The following EVC2 variants were observed in gnomAD, a reference collection of about 807,000 sequenced individuals.
EVC2 encodes EvC ciliary complex subunit 2, also known as limbin.
A neutral mutation model predicts 149.3 loss-of-function variants in EVC2; 148 were observed. The ratio of observed to expected loss-of-function variants is 0.99; its 90% CI spans 0.87 to 1.14. EVC2 has a LOEUF of 1.14. Among genes scored for constraint, EVC2 ranks in the 50% most tolerant of loss-of-function variants. The pLI, the probability that EVC2 is intolerant of heterozygous loss-of-function variation, is 0.00. For synonymous variants in EVC2, 776 were observed against 649.9 expected (o/e 1.19, Z -2.95); for missense variants, 1,854 against 1,627.3 (o/e 1.14, Z -2.40).
chr4:5,680,518 G>A (rs1273854274), intron 7 of EVC2, among the ~76,000 whole-genome samples: 4 of 152,266 alleles, frequency 2.6e-5, no homozygotes, highest in South Asian at 4.1e-4. Flanking sequence ...TATGTGGCGC[G>A]TGACTGTATA....
chr4:5,632,323 G>A (rs897759128), intron 10 of EVC2, among the ~76,000 whole-genome samples: 3 of 152,196 alleles, frequency 2.0e-5, no homozygotes, highest in South Asian at 2.1e-4. Flanking sequence ...GTACATGTGC[G>A]CACACAGCAT....
chr4:5,543,903 A>G (rs975632253), intron 21 of EVC2, among the ~76,000 whole-genome samples: 5 of 152,208 alleles, frequency 3.3e-5, no homozygotes, highest in African/African-American at 1.2e-4. Flanking sequence ...CTCAGGCCTC[A>G]GGTCTCAGCT....
At chr4:5,610,739 T>C (rs1416235282) in intron 16 of EVC2, among the ~76,000 whole-genome samples, 1 of 151,958 alleles carries the variant, frequency 6.6e-6, no homozygotes, top group African/African-American at 2.4e-5. Context: ...TGGTCTTTAC[T>C]CTTGCAGCGT....
rs1165240823 is a variant in EVC2 at position 5,690,405 on chromosome 4, G to GTT, written c.519+858_519+859dup. On this transcript the variant is annotated intron_variant, in intron 4 of 21. Transcript: ENST00000344408. ...TTGCCTGATTACAGTGTGGGTTGTT[G>GTT]TTTTTTTTTTTTTTTTTAATATGCC... Among the ~76,000 whole-genome samples the GTT allele has an allele frequency of 7.1e-3, 1,004 of 141,608 alleles. 14 individuals are homozygous for GTT. Among genetic ancestry groups the GTT allele is most frequent in the African/African-American group, 0.025 (953 of 38,812 alleles). The allele number at this position is 141,608 out of a possible 152,430, so 92.9% of individuals were successfully genotyped here.
intron 1 of EVC2, among the ~76,000 whole-genome samples, chr4:5,698,345 A>T (rs1455695444): frequency 1.3e-5 from 2 of 152,140 alleles, no homozygotes; most frequent in African/African-American, 4.8e-5. Context: ...TAGATAAGAC[A>T]CTAGATGAGG....
chr4:5,684,183 T>C (rs903857837), intron 6 of EVC2, among the ~76,000 whole-genome samples: 3 of 152,264 alleles, frequency 2.0e-5, no homozygotes, highest in Non-Finnish European at 4.4e-5. Flanking sequence ...TCTATTTTTG[T>C]ACCCTTATAC....
chr4:5,570,015 C>T (rs1432137281), intron 19 of EVC2, among the ~76,000 whole-genome samples: 2 of 152,152 alleles, frequency 1.3e-5, no homozygotes, highest in Non-Finnish European at 2.9e-5. Context: ...CTGTCTCTCT[C>T]CAGCGCATTC....
intron 16 of EVC2, among the ~76,000 whole-genome samples, chr4:5,585,280 C>G (rs1473439290): frequency 6.6e-6 from 1 of 152,074 alleles, no homozygotes; most frequent in East Asian, 1.9e-4. Context: ...TGGGAATGCC[C>G]TTCCCAGCTG....
rs763306818 is a variant in EVC2 at position 5,630,851 on chromosome 4, T to C, written c.1710+942A>G. 2.0e-5 allele frequency among the ~76,000 whole-genome samples: 3 copies of C among 152,298 alleles called. No individual in the cohort carries two copies. The South Asian group carries it at 6.2e-4, about 32-fold the overall frequency. On this transcript the variant is annotated intron_variant, in intron 11 of 21. Transcript: ENST00000344408. ...TCAAACATCTTATTGACAGTCGGAA[T>C]AGAAAATTCCATAAAATAAAATAAG...
chr4:5,702,335 C>T (rs1721877401), intron 1 of EVC2, among the ~76,000 whole-genome samples: 1 of 152,198 alleles, frequency 6.6e-6, no homozygotes, highest in Non-Finnish European at 1.5e-5. Context: ...CTGCCTTTTT[C>T]CTGCTCCAAG....
At chr4:5,604,100 G>C (rs1438364312) in intron 16 of EVC2, among the ~76,000 whole-genome samples, 1 of 152,176 alleles carries the variant, frequency 6.6e-6, no homozygotes, top group Non-Finnish European at 1.5e-5. Context: ...AGTAATAGTT[G>C]CTCTGCCTGC....
chr4:5,628,096 A>T (rs1345754149), intron 12 of EVC2, among the ~76,000 whole-genome samples: 1 of 150,820 alleles, frequency 6.6e-6, no homozygotes, highest in African/African-American at 2.5e-5. Flanking sequence ...CTTCAGAAAT[A>T]ATAAGTGAGG....
chr4:5,548,739 G>A (rs925134125), intron 21 of EVC2, among the ~76,000 whole-genome samples: 7 of 152,108 alleles, frequency 4.6e-5, no homozygotes, highest in African/African-American at 1.4e-4. Flanking sequence ...TGTGATTTCA[G>A]ATATCATTTT....
intron 6 of EVC2, among the ~76,000 whole-genome samples, chr4:5,685,165 A>T (rs920819280): frequency 2.0e-4 from 30 of 152,212 alleles, no homozygotes; most frequent in African/African-American, 7.0e-4. Flanking sequence ...GGGTTAAGTA[A>T]CTTAGGCAAA....
At chr4:5,536,594 C>T in the EVC2 span, among the ~76,000 whole-genome samples, 1 of 152,100 alleles carries the variant, frequency 6.6e-6, no homozygotes, top group South Asian at 2.1e-4. Flanking sequence ...ACCATCTTGG[C>T]TAACATGGTG....
chr4:5,618,587 A>G lies in EVC2; in HGVS notation c.2597T>C (p.Leu866Ser). 1 of 1,614,096 alleles carries G rather than the reference A, an allele frequency of 6.2e-7. No individual in the cohort carries two copies. The highest frequency in any genetic ancestry group is 1.3e-5 in the African/African-American group (1 of 75,048). The change falls in exon 15 of 22, where the codon TTG becomes TCG. Residue 866 changes from leucine to serine, a missense_variant. Physicochemically the swap from Leu to Ser is moderately radical, Grantham distance 145. Transcript: ENST00000344408. The surrounding 1 kb of genome is among the most constrained non-coding windows in gnomAD (Gnocchi z 4.4). ...HGCFAQMDRSLALPKIRARVL... is the reference protein window; with the variant it reads ...HGCFAQMDRSSALPKIRARVL... ...TCGGGCCCGGATCTTGGGGAGGGCC[A>G]AGCTCCTGTCCATCTGAGCAAAGCA... is the stretch of plus-strand genomic sequence containing the variant.
At chr4:5,675,204 T>C (rs2151717941) in intron 7 of EVC2, among the ~76,000 whole-genome samples, 1 of 152,376 alleles carries the variant, frequency 6.6e-6, no homozygotes, top group Admixed American at 6.5e-5. Flanking sequence ...CCCAAGTTTC[T>C]CACTTATCTG....
At chr4:5,612,573 G>A (rs1203556283) in intron 16 of EVC2, among the ~76,000 whole-genome samples, 1 of 152,116 alleles carries the variant, frequency 6.6e-6, no homozygotes, top group Non-Finnish European at 1.5e-5. Context: ...CCTGCTGCAT[G>A]TATCTATGCA....
At position 5,614,340 on chromosome 4, in the gene EVC2, G is replaced by A. The variant is rs374296936; in HGVS notation, c.2829+1082C>T. On this transcript the variant is annotated intron_variant, in intron 16 of 21. Coordinates refer to ENST00000344408, the MANE Select transcript of EVC2 (RefSeq NM_147127.5). The surrounding 1 kb of genome is among the most constrained non-coding windows in gnomAD (Gnocchi z 4.7). ...GGGCTCGCCTCTACTGGAGAGCAGG[G>A]ACCAGGGCTGCCTCAGTCACTGCTG... 1.3e-5 allele frequency among the ~76,000 whole-genome samples: 2 copies of A among 152,288 alleles called. No homozygotes were observed. The highest frequency in any genetic ancestry group is 3.4e-3 in the Middle Eastern group (1 of 294).
Sources: allele counts gnomAD v4.1 joint callset (sites outside exome capture counted in the v4.1 genomes callset), GRCh38; gene constraint gnomAD v4.1.1; non-coding constraint Gnocchi (gnomAD v3.1); transcripts MANE v1.5; gene names NCBI Gene and HGNC (gene_info 2026-07-23, HGNC 2026-07-21).